The following KDM4C variants were observed in gnomAD, a reference collection of about 807,000 sequenced individuals.
The protein encoded by KDM4C is lysine demethylase 4C, also known as lysine-specific demethylase 4C.
In KDM4C, 81 loss-of-function variants were observed where a neutral mutation model predicts 129.3. That is an observed-to-expected ratio of 0.63 (90% CI 0.52 to 0.75). The LOEUF is 0.75. Ranked by LOEUF, KDM4C falls within the 30% of genes least tolerant of loss-of-function variation. The pLI is 0.00. For missense variants in KDM4C, 1,457 were observed against 1,304.0 expected (o/e 1.12, Z -1.81); for synonymous variants, 573 against 456.1 (o/e 1.26, Z -3.26).
At chr9:6,844,217 T>C (rs1041877326) in intron 4 of KDM4C, among the ~76,000 whole-genome samples, 1 of 152,216 alleles carries the variant, frequency 6.6e-6, no homozygotes, top group Non-Finnish European at 1.5e-5. Context: ...CTTTTCCTAG[T>C]TTTAATCCTT....
At chr9:6,977,662 G>A (rs898396511) in intron 8 of KDM4C, among the ~76,000 whole-genome samples, 2 of 152,074 alleles carry the variant, frequency 1.3e-5, no homozygotes, top group Admixed American at 6.5e-5. Context: ...ATTAATGCCT[G>A]TCATCTGCTG....
At chr9:6,755,449 A>G (rs1019618864), upstream of KDM4C, among the ~76,000 whole-genome samples, 1 of 148,986 alleles carries the variant, frequency 6.7e-6, no homozygotes, top group Non-Finnish European at 1.5e-5. Context: ...AATGAGGCAC[A>G]AGGCACGAGA....
chr9:6,806,962 T>G (rs1018809252), intron 3 of KDM4C, among the ~76,000 whole-genome samples: 2 of 151,134 alleles, frequency 1.3e-5, no homozygotes, highest in Non-Finnish European at 2.9e-5. Context: ...GAAGCTGGAC[T>G]GTACTGCTGC....
chr9:6,858,768 T>TCC (rs143261157), intron 5 of KDM4C, among the ~76,000 whole-genome samples: 2 of 139,680 alleles, frequency 1.4e-5, no homozygotes, highest in East Asian at 2.1e-4. Context: ...TGATTTTGTC[T>TCC]CCCCCCCCGG....
chr9:6,736,864 A>T (rs146415733), intron 1 of KDM4C, among the ~76,000 whole-genome samples: 1 of 152,128 alleles, frequency 6.6e-6, no homozygotes, highest in Non-Finnish European at 1.5e-5. Flanking sequence ...CCGCCGGGCC[A>T]CCATGGCCAA....
At chr9:6,945,688 G>A (rs966279697) in intron 8 of KDM4C, among the ~76,000 whole-genome samples, 1 of 152,098 alleles carries the variant, frequency 6.6e-6, no homozygotes, top group African/African-American at 2.4e-5. Context: ...TTAAAACCAG[G>A]ATTTTACTAC....
At chr9:6,794,171 C>T (rs1827285646) in intron 2 of KDM4C, among the ~76,000 whole-genome samples, 2 of 152,314 alleles carry the variant, frequency 1.3e-5, no homozygotes, top group South Asian at 2.1e-4. Flanking sequence ...GACACTATGC[C>T]AGGTGCTAGA....
At chr9:6,975,194 C>G (rs924942941) in intron 8 of KDM4C, among the ~76,000 whole-genome samples, 10 of 152,090 alleles carry the variant, frequency 6.6e-5, no homozygotes, top group Non-Finnish European at 1.3e-4. Flanking sequence ...TTAATCTGAA[C>G]CTATTAGAAG....
intron 19 of KDM4C, among the ~76,000 whole-genome samples, chr9:7,153,942 GTGC>G (rs555500494): frequency 3.2e-4 from 48 of 152,110 alleles, no homozygotes; most frequent in African/African-American, 1.0e-3. Context: ...AGGCCTGTGG[GTGC>G]TGCTGCTGCT....
At chr9:7,021,455 A>G (rs1433753297) in intron 15 of KDM4C, among the ~76,000 whole-genome samples, 1 of 152,078 alleles carries the variant, frequency 6.6e-6, no homozygotes, top group African/African-American at 2.4e-5. Flanking sequence ...TGTCGTTTGC[A>G]TATTTTCTTT....
intron 8 of KDM4C, among the ~76,000 whole-genome samples, chr9:6,912,422 G>A (rs954938061): frequency 2.0e-5 from 3 of 152,196 alleles, no homozygotes; most frequent in Admixed American, 6.5e-5. Flanking sequence ...GCTTCACATA[G>A]GCGCTGTTCT....
At position 6,802,582 on chromosome 9, in the gene KDM4C, G is replaced by A. The variant is rs1193175799; in HGVS notation, c.145-3017G>A. Among the ~76,000 whole-genome samples the A allele has an allele frequency of 3.3e-5, 5 of 152,156 alleles. No homozygotes were observed. In the South Asian group the frequency reaches 6.2e-4, roughly 19 times the overall value. ...ATAAGACAAAATACTGAGTAGGAATGAAAATCAAAGAACTTCAGCTACATA... is the reference window on the plus strand; with the variant it reads ...ATAAGACAAAATACTGAGTAGGAATAAAAATCAAAGAACTTCAGCTACATA... On this transcript the variant is annotated intron_variant, in intron 2 of 21. Transcript: ENST00000381309.
intron 8 of KDM4C, among the ~76,000 whole-genome samples, chr9:6,934,879 A>G (rs1017818343): frequency 1.4e-5 from 2 of 146,284 alleles, no homozygotes; most frequent in African/African-American, 4.9e-5. Flanking sequence ...TTAAAAAATA[A>G]TATTTCTTTT....
rs1472495495 is a variant in KDM4C at position 6,963,869 on chromosome 9, C to G, written c.922-17056C>G. On this transcript the variant is annotated intron_variant, in intron 8 of 21. Transcript: ENST00000381309. ...TCCCTCTCACATTTCATTTTTAATC[C>G]TTCTGTTTCTTGCTATCACTTTTTT... Among the ~76,000 whole-genome samples the G allele has an allele frequency of 1.3e-5, 2 of 152,184 alleles. 1 individual carries two copies. The highest frequency in any genetic ancestry group is 6.8e-3 in the Middle Eastern group (2 of 294).
intron 1 of KDM4C, among the ~76,000 whole-genome samples, chr9:6,766,818 C>G (rs904631760): frequency 2.0e-5 from 3 of 151,892 alleles, no homozygotes; most frequent in African/African-American, 7.3e-5. Flanking sequence ...GAGCATTCAC[C>G]TCTGCTTATC....
intron 11 of KDM4C, among the ~76,000 whole-genome samples, chr9:6,989,522 A>G (rs1240959993): frequency 1.3e-5 from 2 of 152,224 alleles, no homozygotes; most frequent in Non-Finnish European, 2.9e-5. Context: ...CAAAAAAATC[A>G]TTGGTAAAAT....
In KDM4C at chr9:7,155,492, G is replaced by T. The variant is rs556814802; in HGVS notation, c.2782-9746G>T. ...CATTTACATTACGTATTTCTCCTAA[G>T]GCTATCCCTCCCGCATCCCCCCACC... On this transcript the variant is annotated intron_variant, in intron 19 of 21. Coordinates refer to ENST00000381309, the MANE Select transcript of KDM4C (RefSeq NM_015061.6). 2.1e-3 allele frequency among the ~76,000 whole-genome samples: 324 copies of T among 152,080 alleles called. 2 individuals are homozygous for T. Among genetic ancestry groups the T allele is most frequent in the African/African-American group, 6.9e-3 (288 of 41,488 alleles).
intron 21 of KDM4C, chr9:7,170,318 G>C: frequency 5.8e-6 from 6 of 1,026,498 alleles, no homozygotes; most frequent in Non-Finnish European, 7.0e-6. Context: ...GTTTTTCATG[G>C]ATTGACTACC....
intron 1 of KDM4C, among the ~76,000 whole-genome samples, chr9:6,747,539 C>CTAAAA (rs1817923464): frequency 6.1e-5 from 6 of 98,000 alleles, no homozygotes; most frequent in East Asian, 5.9e-4. Flanking sequence ...CAGGGCGATT[C>CTAAAA]AAAAAAAAAA....
Sources: allele counts gnomAD v4.1 joint callset (sites outside exome capture counted in the v4.1 genomes callset), GRCh38; gene constraint gnomAD v4.1.1; transcripts MANE v1.5; gene names NCBI Gene and HGNC (gene_info 2026-07-23, HGNC 2026-07-21).